Variants in CTNNA3 observed in about 807,000 individuals in gnomAD.
CTNNA3 encodes catenin alpha 3, also known as catenin alpha-3.
A neutral mutation model predicts 95.7 loss-of-function variants in CTNNA3; 76 were observed. That is an observed-to-expected ratio of 0.79 (90% CI 0.66 to 0.96). The LOEUF (loss-of-function observed/expected upper bound fraction) is 0.96. Ranked by LOEUF, CTNNA3 falls within the 40% of genes least tolerant of loss-of-function variation. The pLI, the probability that CTNNA3 is intolerant of heterozygous loss-of-function variation, is 0.00. For missense variants in CTNNA3, 1,191 were observed against 1,089.8 expected, an observed-to-expected ratio of 1.09 and a Z score of -1.31; for synonymous variants, 431 against 374.4, an observed-to-expected ratio of 1.15 and a Z score of -1.74.
chr10:67,726,898 A>T (rs1287293627), intron 1 of CTNNA3, among the ~76,000 whole-genome samples: 2 of 115,780 alleles, frequency 1.7e-5, no homozygotes, highest in Admixed American at 1.1e-4. Context: ...TACATCATAT[A>T]TGATACATTA....
At chr10:67,390,715 G>A (rs1318859321) in intron 5 of CTNNA3, among the ~76,000 whole-genome samples, 1 of 149,882 alleles carries the variant, frequency 6.7e-6, no homozygotes, top group South Asian at 2.2e-4. Context: ...CCATGATCAA[G>A]TGGGCTTCAT....
intron 10 of CTNNA3, among the ~76,000 whole-genome samples, chr10:66,587,964 G>A (rs1407711759): frequency 6.6e-6 from 1 of 152,120 alleles, no homozygotes; most frequent in African/African-American, 2.4e-5. Context: ...CTCACTCAAG[G>A]TTATAATCTC....
intron 11 of CTNNA3, among the ~76,000 whole-genome samples, chr10:66,421,526 T>C (rs1340500994): frequency 6.6e-6 from 1 of 151,926 alleles, no homozygotes; most frequent in Non-Finnish European, 1.5e-5. Flanking sequence ...CCCATAAATA[T>C]GTAAAATATT....
intron 5 of CTNNA3, among the ~76,000 whole-genome samples, chr10:67,367,716 C>A (rs1329239243): frequency 6.6e-6 from 1 of 152,108 alleles, no homozygotes; most frequent in Non-Finnish European, 1.5e-5. Context: ...ATACAGTATG[C>A]CCATAAAAAA....
At chr10:67,490,557 G>T (rs920568321) in intron 5 of CTNNA3, among the ~76,000 whole-genome samples, 9 of 152,170 alleles carry the variant, frequency 5.9e-5, no homozygotes, top group Admixed American at 5.9e-4. Flanking sequence ...CCTACCTGGG[G>T]AACAAGGGCA....
chr10:67,743,430 G>T (rs1038010908), intron 1 of CTNNA3, among the ~76,000 whole-genome samples: 6 of 151,158 alleles, frequency 4.0e-5, no homozygotes, highest in African/African-American at 1.2e-4. Context: ...ATGCAGAAAA[G>T]GCCTTTGACA....
At chr10:66,440,033 A>G (rs1255407789) in intron 11 of CTNNA3, among the ~76,000 whole-genome samples, 1 of 152,200 alleles carries the variant, frequency 6.6e-6, no homozygotes, top group Non-Finnish European at 1.5e-5. Flanking sequence ...TTAATGTCTC[A>G]GAACCATACT....
Position 65,918,917 on chromosome 10 carries a change from A to G in CTNNA3, c.*1413T>C, listed in dbSNP as rs1386120447. ...AATATCAACTGGTATTGTATGTGTAAATTTTTTTCTCATCAATCTAAGGTT... is the reference window on the plus strand; with the variant it reads ...AATATCAACTGGTATTGTATGTGTAGATTTTTTTCTCATCAATCTAAGGTT... On this transcript the variant is annotated 3_prime_UTR_variant, in exon 18 of 18. Transcript: ENST00000433211. 1 of 152,076 alleles carries G rather than the reference A, an allele frequency of 6.6e-6. No homozygotes were observed. Among genetic ancestry groups the G allele is most frequent in the Non-Finnish European group, 1.5e-5 (1 of 68,000 alleles). The allele number at this position is 152,076 out of a possible 1,614,324, so 9.4% of individuals were successfully genotyped here. A position where few individuals can be genotyped will look rare whatever the true frequency, so the allele number is the denominator to read the frequency against.
chr10:67,097,981 T>C (rs1589735682), intron 7 of CTNNA3: 1 of 593,988 alleles, frequency 1.7e-6, no homozygotes, highest in East Asian at 2.8e-5. Context: ...GTCTACACTT[T>C]GTAATTAGCT....
intron 7 of CTNNA3, among the ~76,000 whole-genome samples, chr10:67,107,902 T>C (rs1436116273): frequency 6.6e-6 from 1 of 152,180 alleles, no homozygotes; most frequent in African/African-American, 2.4e-5. Context: ...AAGCAGGAAG[T>C]GCTCTAGCAG....
intron 13 of CTNNA3, among the ~76,000 whole-genome samples, chr10:66,191,397 C>G (rs1387566908): frequency 9.2e-5 from 14 of 152,108 alleles, no homozygotes; most frequent in Non-Finnish European, 7.4e-5. Context: ...TCCAGAATAG[C>G]CTGTCACTAT....
At position 66,411,832 on chromosome 10, in the gene CTNNA3, T is replaced by TC. The variant is rs577616210; in HGVS notation, c.1532-32481dup. On this transcript the variant is annotated intron_variant, in intron 11 of 17. Coordinates refer to ENST00000433211, the MANE Select transcript of CTNNA3 (RefSeq NM_013266.4). ...TTGTATGAAGAACTATATGCAGAGT[T>TC]CCTCCAGGAAACACACCCAAAAGGA... Among the ~76,000 whole-genome samples the TC allele has an allele frequency of 5.3e-5, 8 of 152,188 alleles. No individual in the cohort carries two copies. The East Asian group carries it at 1.4e-3, about 26-fold the overall frequency.
intron 7 of CTNNA3, among the ~76,000 whole-genome samples, chr10:67,135,437 G>A (rs1019341979): frequency 6.6e-6 from 1 of 152,168 alleles, no homozygotes; most frequent in African/African-American, 2.4e-5. Context: ...TACTTTGGGA[G>A]ACCAAGGTTG....
In CTNNA3 at chr10:66,058,823, T is replaced by C. The variant is rs1035940504; in HGVS notation, c.2159+10485A>G. Among the ~76,000 whole-genome samples the C allele has an allele frequency of 2.8e-4, 43 of 152,266 alleles. 1 individual carries two copies. The highest frequency in any genetic ancestry group is 1.0e-3 in the African/African-American group (43 of 41,554). On this transcript the variant is annotated intron_variant, in intron 15 of 17. Coordinates refer to ENST00000433211, the MANE Select transcript of CTNNA3 (RefSeq NM_013266.4). ...ATAATACCAGAAGGATTACTGGCTG[T>C]GATATTAAGTAACAGGATGAGGTCA...
intron 5 of CTNNA3, among the ~76,000 whole-genome samples, chr10:67,389,223 A>G (rs1162673907): frequency 1.3e-5 from 2 of 151,828 alleles, no homozygotes; most frequent in Non-Finnish European, 2.9e-5. Flanking sequence ...AAGATCTACC[A>G]AGCAAATGGA....
intron 11 of CTNNA3, among the ~76,000 whole-genome samples, chr10:66,461,662 T>C (rs1374628142): frequency 6.8e-6 from 1 of 146,838 alleles, no homozygotes; most frequent in African/African-American, 2.5e-5. Context: ...GAGCTTCAGT[T>C]TGCACTCACG....
chr10:66,677,592 A>G (rs1421522480), intron 9 of CTNNA3, among the ~76,000 whole-genome samples: 1 of 152,062 alleles, frequency 6.6e-6, no homozygotes, highest in Admixed American at 6.6e-5. Flanking sequence ...TGCTGTTTTC[A>G]TGATAGTGAA....
intron 14 of CTNNA3, among the ~76,000 whole-genome samples, chr10:66,084,117 A>C (rs2080876235): frequency 6.7e-6 from 1 of 148,504 alleles, no homozygotes; most frequent in Non-Finnish European, 1.5e-5. Context: ...CATGGGTAAC[A>C]ACAGCGAAAC....
chr10:65,951,948 T>G (rs1218505341), intron 17 of CTNNA3, among the ~76,000 whole-genome samples: 5 of 144,160 alleles, frequency 3.5e-5, no homozygotes, highest in Non-Finnish European at 7.4e-5. Flanking sequence ...GAGAATGGCA[T>G]GAACCCGGGA....
Sources: gnomAD v4.1 joint callset for allele counts (sites outside exome capture counted in the v4.1 genomes callset) on GRCh38, gnomAD v4.1.1 for gene constraint, MANE v1.5 for transcripts, NCBI Gene and HGNC (gene_info 2026-07-23, HGNC 2026-07-21) for gene names.